The following IFI16 variants were observed in gnomAD, a reference collection of about 807,000 sequenced individuals.
IFI16 encodes interferon gamma inducible protein 16.
Under a neutral mutation model 68.4 loss-of-function variants are expected in IFI16, and 49 were observed. The observed-to-expected ratio is 0.72, with a 90% CI of 0.57 to 0.91. The LOEUF is 0.91. Ranked by LOEUF, IFI16 falls within the 40% of genes least tolerant of loss-of-function variation. The pLI is 0.00. For missense variants in IFI16, 878 were observed against 942.9 expected (o/e 0.93, Z 0.90); for synonymous variants, 307 against 315.0 (o/e 0.97, Z 0.27).
chr1:159,036,305 C>G (rs1287807261), intron 7 of IFI16, among the ~76,000 whole-genome samples: 1 of 152,150 alleles, frequency 6.6e-6, no homozygotes. Context: ...AAATATTTCT[C>G]AAAATTCACA....
At chr1:159,031,580 A>G (rs183974923) in intron 6 of IFI16, among the ~76,000 whole-genome samples, 16 of 152,288 alleles carry the variant, frequency 1.1e-4, no homozygotes, top group Middle Eastern at 3.4e-3. Flanking sequence ...GGTAAGGTCA[A>G]ATCCTTCACT....
At position 159,020,353 on chromosome 1, in the gene IFI16, C is replaced by A; in HGVS notation, c.985C>A (p.Gln329Lys). 6.2e-7 allele frequency: 1 copy of A among 1,605,370 alleles called. No homozygotes were observed. Among genetic ancestry groups the A allele is most frequent in the South Asian group, 1.1e-5 (1 of 89,500 alleles). Residue 329 changes from glutamine to lysine, a missense_variant, in exon 6 of 12, where the codon CAG becomes AAG. This residue lies in a region of IFI16 where 443 missense variants were observed against 421.8 expected (regional missense o/e 1.05). Coordinates refer to ENST00000295809, the MANE Select transcript of IFI16 (RefSeq NM_001376587.1). ...TTTTCTGTTACAGAAAACAGTAAAT[C>A]AGAAGACCACAATCTACGAAATTCA... Reference protein sequence around the residue: ...VFMLHKKTVNQKTTIYEIQDD... With the variant: ...VFMLHKKTVNKKTTIYEIQDD...
intron 9 of IFI16, among the ~76,000 whole-genome samples, chr1:159,050,596 A>G (rs1655292231): frequency 6.6e-6 from 1 of 152,102 alleles, no homozygotes; most frequent in Non-Finnish European, 1.5e-5. Context: ...TGGTCTGTGG[A>G]GGCAGCCGTC....
intron 6 of IFI16, among the ~76,000 whole-genome samples, chr1:159,021,197 C>G (rs1326111535): frequency 6.6e-6 from 1 of 152,152 alleles, no homozygotes; most frequent in Non-Finnish European, 1.5e-5. Flanking sequence ...ACCCATCGTC[C>G]AAGCAGCGTA....
intron 6 of IFI16, among the ~76,000 whole-genome samples, chr1:159,027,582 T>G (rs990104658): frequency 2.0e-5 from 3 of 152,182 alleles, no homozygotes; most frequent in Admixed American, 6.5e-5. Context: ...CTCTATCTTG[T>G]GAAATAATGT....
chr1:159,053,465 T>C (rs1483880210), intron 10 of IFI16, 68 bp from the exon 11 acceptor site: 17 of 1,163,628 alleles, frequency 1.5e-5, no homozygotes, highest in African/African-American at 3.1e-5. Context: ...AGAAACACCC[T>C]GTATTTCTCA....
At chr1:159,009,874 G>A (rs1022560467), upstream of IFI16, 1 of 152,136 alleles carries the variant, frequency 6.6e-6, no homozygotes, top group Admixed American at 6.5e-5. Flanking sequence ...TAAAAACACT[G>A]GTGGGAGGAG....
At chr1:159,024,718 T>G (rs907687306) in intron 6 of IFI16, among the ~76,000 whole-genome samples, 2 of 152,122 alleles carry the variant, frequency 1.3e-5, no homozygotes, top group Admixed American at 6.5e-5. Flanking sequence ...CCACAAAGTA[T>G]GAGAAAACAA....
In IFI16 at chr1:159,015,066, T is replaced by C. The variant is rs1652837394; in HGVS notation, c.265+121T>C. 4 of 943,412 alleles carry C rather than the reference T, an allele frequency of 4.2e-6. No individual in the cohort carries two copies. In the Admixed American group the frequency reaches 7.1e-5, roughly 17 times the overall value. The allele number at this position is 943,412 out of a possible 1,614,324, so 58.4% of individuals were successfully genotyped here. On this transcript the variant is annotated intron_variant, in intron 2 of 11. Transcript: ENST00000295809. The stretch of plus-strand genomic sequence containing the variant: ...TTTCCCCAGTTTGTGACTCAACAGC[T>C]GAGACAATGTTGGTACTTCAGAGGC...
Position 159,044,604 on chromosome 1 carries a change from TC to T in IFI16, c.1330-691del, listed in dbSNP as rs1654867992. On this transcript the variant is annotated intron_variant, in intron 7 of 11. Transcript: ENST00000295809. ...AAATAGGATGAATATTTTTTGGACT[TC>T]CATTGGTTTAATTAAAAGTAGTCAA... is the stretch of plus-strand genomic sequence containing the variant. 5.3e-5 allele frequency among the ~76,000 whole-genome samples: 8 copies of T among 152,326 alleles called. No homozygotes were observed. The South Asian group carries it at 1.7e-3, about 32-fold the overall frequency.
chr1:159,001,274 T>G (rs1652047500), upstream of IFI16, among the ~76,000 whole-genome samples: 1 of 152,208 alleles, frequency 6.6e-6, no homozygotes, highest in African/African-American at 2.4e-5. Context: ...AATTTTACTT[T>G]AAAAGTAGCA....
chr1:159,027,500 T>TA (rs1430378372), intron 6 of IFI16, among the ~76,000 whole-genome samples: 2 of 151,726 alleles, frequency 1.3e-5, no homozygotes, highest in Non-Finnish European at 2.9e-5. Context: ...TTGTTGTTGT[T>TA]ATGTCCTTTC....
At chr1:159,016,396 C>T (rs1200233420) in intron 3 of IFI16, 137 bp from the exon 4 acceptor site, 2 of 707,088 alleles carry the variant, frequency 2.8e-6, no homozygotes, top group South Asian at 2.0e-5. Context: ...CTTAAACTGG[C>T]GAGAGATGGG....
chr1:159,018,275 T>C lies in IFI16; in HGVS notation c.596T>C (p.Val199Ala), dbSNP rs201615964. 1.2e-5 allele frequency: 19 copies of C among 1,614,096 alleles called. No individual in the cohort carries two copies. The Middle Eastern group carries it at 4.9e-4, about 42-fold the overall frequency. The change falls in exon 5 of 12, where the codon GTT becomes GCT. Residue 199 changes from valine (V) to alanine (A), a missense_variant. Val to Ala is a moderately conservative substitution (Grantham distance 64). This residue lies in a region of IFI16 where 443 missense variants were observed against 421.8 expected (regional missense o/e 1.05). Coordinates refer to ENST00000295809, the MANE Select transcript of IFI16 (RefSeq NM_001376587.1). The part of the protein sequence containing the change: ...AKCQVTPRRN[V>A]LQKRPVIVKV... ...TGTCAGGTAACTCCCAGAAGAAATG[T>C]TCTCCAAAAACGCCCAGTGATAGTG... is the stretch of plus-strand genomic sequence containing the variant.
intron 7 of IFI16, among the ~76,000 whole-genome samples, chr1:159,040,211 G>A (rs1772405): frequency 0.72 from 109,504 of 152,154 alleles, 41,120 homozygotes; most frequent in Admixed American, 0.83. Flanking sequence ...ATGCATATGA[G>A]GCATATAATA....
rs1334734836 is a variant in IFI16 at position 159,053,673 on chromosome 1, G to A, written c.2226G>A (p.Pro742=). 1 of 1,613,902 alleles carries A rather than the reference G, an allele frequency of 6.2e-7. No individual in the cohort carries two copies. Among genetic ancestry groups the A allele is most frequent in the Non-Finnish European group, 8.5e-7 (1 of 1,179,828 alleles). Residue 742 remains proline (P), a synonymous_variant, in exon 11 of 12, where the codon CCG becomes CCA. Coordinates refer to ENST00000295809, the MANE Select transcript of IFI16 (RefSeq NM_001376587.1). The part of the protein sequence containing the change: ...KLKLTCFELA[P]KSGNTGELRS... ...AACTCACCTGCTTTGAATTGGCACC[G>A]AAAAGTGGGAATACCGGGGAGTTGA...
At chr1:159,022,347 T>G (rs993522640) in intron 6 of IFI16, among the ~76,000 whole-genome samples, 47 of 152,208 alleles carry the variant, frequency 3.1e-4, no homozygotes, top group African/African-American at 1.1e-3. Context: ...GAATATCAAT[T>G]TAATTTTTTC....
chr1:159,011,668 A>ATTG (rs1652575905), intron 1 of IFI16, among the ~76,000 whole-genome samples: 1 of 14,596 alleles, frequency 6.9e-5, no homozygotes, highest in Non-Finnish European at 6.2e-3. Flanking sequence ...AACTTTTATC[A>ATTG]TGTGGTATCT....
chr1:159,031,529 C>T (rs1292024291), intron 6 of IFI16, among the ~76,000 whole-genome samples: 5 of 152,198 alleles, frequency 3.3e-5, no homozygotes, highest in African/African-American at 1.2e-4. Flanking sequence ...CTTCCTCTAC[C>T]CCTGTATTTC....
Sources: allele counts gnomAD v4.1 joint callset (sites outside exome capture counted in the v4.1 genomes callset), GRCh38; gene constraint gnomAD v4.1.1; regional missense constraint gnomAD v4.1.1; transcripts MANE v1.5; gene names NCBI Gene and HGNC (gene_info 2026-07-23, HGNC 2026-07-21).